The following NEMP2 variants were observed in gnomAD, a reference collection of about 807,000 sequenced individuals.
NEMP2 encodes the protein nuclear envelope integral membrane protein 2, also known as UPF0571 transmembrane protein.
In NEMP2, 53 loss-of-function variants were observed where a neutral mutation model predicts 54.2. The observed-to-expected ratio is 0.98, with a 90% CI of 0.78 to 1.23. The LOEUF is 1.23. Ranked by LOEUF, NEMP2 falls within the 50% of genes most tolerant of loss-of-function variation. NEMP2 has a pLI of 0.00. For synonymous variants in NEMP2, 197 were observed against 190.3 expected (o/e 1.04, Z -0.29); for missense variants, 455 against 511.3 (o/e 0.89, Z 1.06).
Position 190,514,346 on chromosome 2 carries a change from G to A in NEMP2, c.953+107C>T. 1 of 1,095,314 alleles carries A rather than the reference G, an allele frequency of 9.1e-7. No individual in the cohort carries two copies. Among genetic ancestry groups the A allele is most frequent in the Non-Finnish European group, 1.3e-6 (1 of 748,950 alleles). The allele number at this position is 1,095,314 out of a possible 1,614,324, so 67.8% of individuals were successfully genotyped here. A position where few individuals can be genotyped will look rare whatever the true frequency, so the allele number is the denominator to read the frequency against. ...AATCTTGCTCAGAATGAAATCTCCA[G>A]ATCAAATGTAATTATGAGATTAACA... On this transcript the variant is annotated intron_variant, in intron 7 of 8. Transcript: ENST00000409150. This position sits in a 1 kb window ranked among gnomAD's most constrained non-coding sequence, Gnocchi z 5.7.
chr2:190,510,434 C>T lies in NEMP2; in HGVS notation c.1057G>A (p.Glu353Lys). 6.4e-7 allele frequency: 1 copy of T among 1,551,736 alleles called. No individual in the cohort carries two copies. ...GGTTTTCGGCAGGCCCGGCGTAGCTCCTCCAGAGCACTGTTCGTTTCAGCA... is the reference window on the plus strand; with the variant it reads ...GGTTTTCGGCAGGCCCGGCGTAGCTTCTCCAGAGCACTGTTCGTTTCAGCA... ...ADAETNSALE[E>K]LRRACRKPDF... Residue 353 changes from glutamate (E) to lysine (K), a missense_variant, in exon 8 of 9, where the codon GAG becomes AAG. By Grantham distance (56) the Glu-to-Lys change is moderately conservative. Transcript: ENST00000409150. This position sits in a 1 kb window ranked among gnomAD's most constrained non-coding sequence, Gnocchi z 5.7.
the NEMP2 span, among the ~76,000 whole-genome samples, chr2:190,647,304 T>C: frequency 0.31 from 47,281 of 152,136 alleles, 7,826 homozygotes; most frequent in South Asian, 0.42. Context: ...TTCTATAACA[T>C]GATTTCGCAA....
chr2:190,525,406 T>A lies in NEMP2; in HGVS notation c.98-28A>T. 7.7e-7 allele frequency: 1 copy of A among 1,302,394 alleles called. No individual in the cohort carries two copies. Among genetic ancestry groups the A allele is most frequent in the Non-Finnish European group, 1.1e-6 (1 of 933,764 alleles). The allele number at this position is 1,302,394 out of a possible 1,614,324, so 80.7% of individuals were successfully genotyped here. On this transcript the variant is annotated intron_variant, in intron 1 of 8. Coordinates refer to ENST00000409150, the MANE Select transcript of NEMP2 (RefSeq NM_001142645.2). This position sits in a 1 kb window ranked among gnomAD's most constrained non-coding sequence, Gnocchi z 5.0. ...GAGAGATGGAAAAGGGAATGCATTT[T>A]CTAACTGTTTAATTGCCCAGAATCT... is the stretch of plus-strand genomic sequence containing the variant.
chr2:190,462,072 T>G, the NEMP2 span, among the ~76,000 whole-genome samples: 2 of 152,278 alleles, frequency 1.3e-5, no homozygotes, highest in Non-Finnish European at 2.9e-5. The surrounding 1 kb of genome is among the most constrained non-coding windows in gnomAD (Gnocchi z 5.7). Flanking sequence ...TGAAGGGCCC[T>G]ATCATCGCAG....
chr2:190,550,956 C>G, the NEMP2 span, among the ~76,000 whole-genome samples: 1 of 152,060 alleles, frequency 6.6e-6, no homozygotes, highest in Non-Finnish European at 1.5e-5. This position sits in a 1 kb window ranked among gnomAD's most constrained non-coding sequence, Gnocchi z 4.7. Context: ...TATTGTATTC[C>G]TTGAGTCTCT....
At chr2:190,424,235 C>CT in the NEMP2 span, among the ~76,000 whole-genome samples, 165 of 143,078 alleles carry the variant, frequency 1.2e-3, no homozygotes, top group Middle Eastern at 7.2e-3. The surrounding 1 kb of genome is among the most constrained non-coding windows in gnomAD (Gnocchi z 5.9). Context: ...TTTTCTTCTT[C>CT]TTTTTTTTTT....
At chr2:190,599,552 G>T in the NEMP2 span, among the ~76,000 whole-genome samples, 226 of 152,172 alleles carry the variant, frequency 1.5e-3, 1 homozygote, top group African/African-American at 5.3e-3. Context: ...TATTAATATT[G>T]CCAATGCATT....
At chr2:190,486,185 G>A in the NEMP2 span, among the ~76,000 whole-genome samples, 1 of 152,230 alleles carries the variant, frequency 6.6e-6, no homozygotes, top group African/African-American at 2.4e-5. Context: ...AGACCTTGTT[G>A]AGTACTCTAC....
chr2:190,488,900 T>C, the NEMP2 span: 24 of 1,300,866 alleles, frequency 1.8e-5, no homozygotes, highest in Non-Finnish European at 1.5e-5. This position sits in a 1 kb window ranked among gnomAD's most constrained non-coding sequence, Gnocchi z 6.4. Context: ...AACAATCCAA[T>C]TATTACTGAA....
chr2:190,436,873 C>A, the NEMP2 span: 2 of 1,614,222 alleles, frequency 1.2e-6, no homozygotes, highest in South Asian at 2.2e-5. The surrounding 1 kb of genome is among the most constrained non-coding windows in gnomAD (Gnocchi z 5.3). Flanking sequence ...TTATGATCAA[C>A]AAGAAGTTGA....
chr2:190,546,147 A>G, the NEMP2 span, among the ~76,000 whole-genome samples: 4 of 152,234 alleles, frequency 2.6e-5, no homozygotes, highest in Non-Finnish European at 5.9e-5. This position sits in a 1 kb window ranked among gnomAD's most constrained non-coding sequence, Gnocchi z 5.1. Flanking sequence ...ATAATTCAAC[A>G]AATACACAGT....
At chr2:190,443,424 T>C in the NEMP2 span, among the ~76,000 whole-genome samples, 2 of 152,194 alleles carry the variant, frequency 1.3e-5, no homozygotes, top group Non-Finnish European at 2.9e-5. This position sits in a 1 kb window ranked among gnomAD's most constrained non-coding sequence, Gnocchi z 4.2. Context: ...ATGACCAGCA[T>C]AGATTAGGAG....
chr2:190,530,753 C>G lies in NEMP2; in HGVS notation c.97+3806G>C, dbSNP rs1325351370. Among the ~76,000 whole-genome samples the G allele has an allele frequency of 6.6e-6, 1 of 152,214 alleles. No homozygotes were observed. Among genetic ancestry groups the G allele is most frequent in the Non-Finnish European group, 1.5e-5 (1 of 68,034 alleles). ...GCTGATTATGCCCTGACACTGAAGG[C>G]TATGAAGCTGCCTGCATGTCTGCGG... is the stretch of plus-strand genomic sequence containing the variant. On this transcript the variant is annotated intron_variant, in intron 1 of 8. Transcript: ENST00000409150. This position sits in a 1 kb window ranked among gnomAD's most constrained non-coding sequence, Gnocchi z 4.6.
the NEMP2 span, among the ~76,000 whole-genome samples, chr2:190,493,183 A>C: frequency 6.6e-6 from 1 of 152,102 alleles, no homozygotes; most frequent in Non-Finnish European, 1.5e-5. Context: ...AAAGGGGTGG[A>C]AAAAGACATT....
At chr2:190,553,645 G>A in the NEMP2 span, among the ~76,000 whole-genome samples, 1 of 152,190 alleles carries the variant, frequency 6.6e-6, no homozygotes, top group Non-Finnish European at 1.5e-5. Flanking sequence ...GCAGCTCCAG[G>A]TGGCATCACA....
At chr2:190,421,964 A>G in the NEMP2 span, among the ~76,000 whole-genome samples, 2 of 152,130 alleles carry the variant, frequency 1.3e-5, no homozygotes, top group African/African-American at 2.4e-5. Context: ...CTGACTGTCT[A>G]ATGAGAAAGC....
the NEMP2 span, among the ~76,000 whole-genome samples, chr2:190,646,040 A>G: frequency 6.6e-6 from 1 of 152,250 alleles, no homozygotes; most frequent in African/African-American, 2.4e-5. Context: ...AACAAGCTGT[A>G]CTGAATAAAT....
the NEMP2 span, among the ~76,000 whole-genome samples, chr2:190,430,583 G>A: frequency 2.6e-5 from 4 of 152,062 alleles, no homozygotes; most frequent in Admixed American, 2.6e-4. Flanking sequence ...AGAACAAAAT[G>A]AAAAGTCTCC....
chr2:190,448,106 G>T, the NEMP2 span, among the ~76,000 whole-genome samples: 1 of 152,138 alleles, frequency 6.6e-6, no homozygotes, highest in African/African-American at 2.4e-5. Flanking sequence ...CATGTGTACT[G>T]TACCTTTTGT....
Sources: gnomAD v4.1 joint callset for allele counts (sites outside exome capture counted in the v4.1 genomes callset) on GRCh38, gnomAD v4.1.1 for gene constraint, Gnocchi (gnomAD v3.1) non-coding constraint, MANE v1.5 for transcripts, NCBI Gene and HGNC (gene_info 2026-07-23, HGNC 2026-07-21) for gene names.